The following NUDT3 variants were observed in gnomAD, a reference collection of about 807,000 sequenced individuals.
NUDT3 encodes nudix hydrolase 3.
NUDT3 carries 9 observed loss-of-function variants against 23.6 expected under a neutral mutation model. The observed-to-expected ratio is 0.38, with a 90% CI of 0.23 to 0.66. NUDT3 has a LOEUF of 0.66. Ranked by LOEUF, NUDT3 falls within the 30% of genes least tolerant of loss-of-function variation. NUDT3 has a pLI of 0.52. For missense variants in NUDT3, 172 were observed against 218.5 expected (o/e 0.79, Z 1.34); for synonymous variants, 86 against 82.6 (o/e 1.04, Z -0.22).
intron 1 of NUDT3, among the ~76,000 whole-genome samples, chr6:34,387,885 A>G (rs1269486383): frequency 1.3e-5 from 2 of 152,178 alleles, no homozygotes; most frequent in Non-Finnish European, 2.9e-5. Context: ...GTGCAACCTA[A>G]GCTGTACAGT....
At chr6:34,324,421 T>C (rs1327655299) in intron 2 of NUDT3, among the ~76,000 whole-genome samples, 1 of 152,070 alleles carries the variant, frequency 6.6e-6, no homozygotes, top group Non-Finnish European at 1.5e-5. Context: ...TTGTTGCTGT[T>C]TTTGAGATAG....
intron 1 of NUDT3, among the ~76,000 whole-genome samples, chr6:34,379,580 A>G (rs964481676): frequency 1.3e-5 from 2 of 151,910 alleles, no homozygotes; most frequent in African/African-American, 4.8e-5. Flanking sequence ...AGTAATCCAC[A>G]GAAGTTTTTT....
chr6:34,348,702 G>C (rs1297721695), intron 1 of NUDT3, among the ~76,000 whole-genome samples: 2 of 152,056 alleles, frequency 1.3e-5, no homozygotes, highest in Non-Finnish European at 2.9e-5. Flanking sequence ...TGTGAACCCG[G>C]GAGGCGGAGC....
intron 1 of NUDT3, among the ~76,000 whole-genome samples, chr6:34,380,603 C>G (rs768859321): frequency 6.6e-6 from 1 of 152,138 alleles, no homozygotes; most frequent in Non-Finnish European, 1.5e-5. Context: ...TGGTTGATTT[C>G]ACTGTTAGTT....
rs1581909865 is a variant in NUDT3, at chr6:34,392,604, CCCTCTGCCGCCGCCA to C, written c.-257_-243del. ...CTCCGCTGCCGCCAGGGCCGCCGCCCCCTCTGCCGCCGCCACCCCCGACGACGACCGCGCCGCCAT... is the reference window on the plus strand; with the variant it reads ...CTCCGCTGCCGCCAGGGCCGCCGCCCCCCCCGACGACGACCGCGCCGCCAT... On this transcript the variant is annotated 5_prime_UTR_variant, in exon 1 of 5. Transcript: ENST00000607016. 3.4e-6 allele frequency: 1 copy of C among 291,572 alleles called. No individual in the cohort carries two copies. Among genetic ancestry groups the C allele is most frequent in the African/African-American group, 2.2e-5 (1 of 45,108 alleles). 18.1% of individuals were successfully genotyped at this position (291,572 alleles called of 1,614,324 possible).
chr6:34,372,016 C>A (rs62399909), intron 1 of NUDT3, among the ~76,000 whole-genome samples: 35,891 of 151,806 alleles, frequency 0.24, 6,694 homozygotes, highest in African/African-American at 0.47. Context: ...TCCTTGCGAT[C>A]GTTTGCTCAG....
chr6:34,314,480 A>ACCTG, intron 2 of NUDT3, among the ~76,000 whole-genome samples: 1 of 151,068 alleles, frequency 6.6e-6, no homozygotes, highest in East Asian at 1.9e-4. Context: ...AATCACTTGA[A>ACCTG]CCTGGAAGGT....
chr6:34,388,476 C>G (rs1765145774), intron 1 of NUDT3, among the ~76,000 whole-genome samples: 1 of 152,092 alleles, frequency 6.6e-6, no homozygotes, highest in South Asian at 2.1e-4. Flanking sequence ...ATGCCTTATT[C>G]GGTTGGAATT....
At chr6:34,342,105 T>C in intron 1 of NUDT3, 133 bp from the exon 2 acceptor site, 3 of 751,846 alleles carry the variant, frequency 4.0e-6, no homozygotes, top group Non-Finnish European at 6.3e-6. Flanking sequence ...AAATCACTTC[T>C]TGCAAAGTAG....
chr6:34,353,894 G>T (rs181497831), intron 1 of NUDT3, among the ~76,000 whole-genome samples: 1 of 150,604 alleles, frequency 6.6e-6, no homozygotes, highest in East Asian at 1.9e-4. Flanking sequence ...ACAGGGTTTC[G>T]CCATGTTGCC....
intron 2 of NUDT3, among the ~76,000 whole-genome samples, chr6:34,317,211 C>T (rs1042953803): frequency 3.9e-5 from 6 of 152,066 alleles, no homozygotes; most frequent in African/African-American, 1.4e-4. Flanking sequence ...AGAATCAAGG[C>T]TTATACATAC....
Position 34,284,602 on chromosome 6 carries a change from A to C in NUDT3, c.*4151T>G, listed in dbSNP as rs762026760. 9.2e-5 allele frequency: 14 copies of C among 151,684 alleles called. No individual in the cohort carries two copies. The highest frequency in any genetic ancestry group is 1.9e-4 in the Non-Finnish European group (13 of 67,960). 9.4% of individuals were successfully genotyped at this position (151,684 alleles called of 1,614,324 possible). On this transcript the variant is annotated 3_prime_UTR_variant, in exon 5 of 5. Coordinates refer to ENST00000607016, the MANE Select transcript of NUDT3 (RefSeq NM_006703.4). ...AAGGCATTAAGAAAGTACTAGATGA[A>C]AATGAGAAATATGTGAAGGATAACA...
At chr6:34,309,210 A>T (rs141179933) in intron 2 of NUDT3, among the ~76,000 whole-genome samples, 1 of 150,086 alleles carries the variant, frequency 6.7e-6, no homozygotes, top group Non-Finnish European at 1.5e-5. Flanking sequence ...ATGAAACCCT[A>T]TCTCAAAAAA....
intron 4 of NUDT3, among the ~76,000 whole-genome samples, chr6:34,293,139 T>C (rs986576653): frequency 3.9e-5 from 6 of 152,208 alleles, no homozygotes; most frequent in Non-Finnish European, 8.8e-5. Flanking sequence ...TATGGCTCAA[T>C]GTGACCTCAA....
intron 1 of NUDT3, among the ~76,000 whole-genome samples, chr6:34,352,729 G>C (rs1377655667): frequency 1.3e-5 from 2 of 152,178 alleles, no homozygotes; most frequent in Non-Finnish European, 2.9e-5. Context: ...TCTAATTTAA[G>C]ATGTCAAAGT....
intron 1 of NUDT3, among the ~76,000 whole-genome samples, chr6:34,347,284 T>G (rs1366600150): frequency 1.3e-5 from 2 of 152,228 alleles, no homozygotes; most frequent in African/African-American, 4.8e-5. Context: ...AGTAACATCA[T>G]GAGCCAGGAA....
At chr6:34,386,838 A>G (rs1765114994) in intron 1 of NUDT3, among the ~76,000 whole-genome samples, 1 of 152,202 alleles carries the variant, frequency 6.6e-6, no homozygotes, top group African/African-American at 2.4e-5. Context: ...AGCACAGCTG[A>G]GCACGGTGGC....
chr6:34,383,536 T>C (rs968826925), intron 1 of NUDT3, among the ~76,000 whole-genome samples: 3 of 152,122 alleles, frequency 2.0e-5, no homozygotes, highest in African/African-American at 7.2e-5. Flanking sequence ...GTCTTATTTA[T>C]CCATGTATTC....
chr6:34,365,829 G>C (rs1004068865), intron 1 of NUDT3, among the ~76,000 whole-genome samples: 4 of 152,042 alleles, frequency 2.6e-5, no homozygotes, highest in Non-Finnish European at 4.4e-5. Flanking sequence ...ATCACATGAG[G>C]TCAGGAGTTC....
Sources: allele counts gnomAD v4.1 joint callset (sites outside exome capture counted in the v4.1 genomes callset), GRCh38; gene constraint gnomAD v4.1.1; transcripts MANE v1.5; gene names NCBI Gene and HGNC (gene_info 2026-07-23, HGNC 2026-07-21).